Variants in KAZN observed in about 807,000 individuals in gnomAD.
KAZN encodes kazrin, periplakin interacting protein.
Under a neutral mutation model 87.4 loss-of-function variants are expected in KAZN, and 40 were observed. The ratio of observed to expected loss-of-function variants is 0.46; its 90% CI spans 0.36 to 0.60. The LOEUF (loss-of-function observed/expected upper bound fraction) is 0.60. Among genes scored for constraint, KAZN ranks in the 20% least tolerant of loss-of-function variants. The probability of loss-of-function intolerance (pLI) is 0.00; values close to 1 mark genes in which losing one functional copy is unlikely to be tolerated. For synonymous variants in KAZN, 466 were observed against 458.3 expected (o/e 1.02, Z -0.22); for missense variants, 898 against 1,073.9 (o/e 0.84, Z 2.29).
chr1:14,428,918 A>G (rs992740315), intron 2 of KAZN, among the ~76,000 whole-genome samples: 2 of 151,978 alleles, frequency 1.3e-5, no homozygotes, highest in Non-Finnish European at 2.9e-5. Context: ...ATATATATAT[A>G]TAGGCTTTTC....
At chr1:13,914,234 A>G (rs1033731679) in intron 1 of KAZN, among the ~76,000 whole-genome samples, 1 of 152,132 alleles carries the variant, frequency 6.6e-6, no homozygotes, top group Non-Finnish European at 1.5e-5. Context: ...TAGAAATCTC[A>G]CTATTGCCCT....
chr1:14,906,060 G>A (rs923034845), intron 1 of KAZN, among the ~76,000 whole-genome samples: 5 of 151,430 alleles, frequency 3.3e-5, no homozygotes, highest in African/African-American at 9.7e-5. Context: ...CCAGCTACTC[G>A]GGAAGCTGAG....
chr1:14,561,410 T>C (rs1205973259), intron 2 of KAZN, among the ~76,000 whole-genome samples: 1 of 152,136 alleles, frequency 6.6e-6, no homozygotes, highest in Admixed American at 6.5e-5. Flanking sequence ...AAGAAAATGA[T>C]GATTGAAAGG....
chr1:14,557,046 G>A (rs1207373024), intron 2 of KAZN, among the ~76,000 whole-genome samples: 1 of 152,080 alleles, frequency 6.6e-6, no homozygotes, highest in Non-Finnish European at 1.5e-5. Flanking sequence ...AATCCACACA[G>A]CAAAATAAAG....
chr1:13,980,779 C>G (rs1638624590), intron 1 of KAZN, among the ~76,000 whole-genome samples: 1 of 152,108 alleles, frequency 6.6e-6, no homozygotes, highest in Non-Finnish European at 1.5e-5. Flanking sequence ...GAGCTTGGCT[C>G]ACCTTGAAGC....
intron 2 of KAZN, among the ~76,000 whole-genome samples, chr1:14,349,997 A>G (rs1658411568): frequency 1.3e-5 from 2 of 152,004 alleles, no homozygotes; most frequent in South Asian, 4.2e-4. Flanking sequence ...TTAGCCAGGT[A>G]TGGTGGCAGG....
intron 1 of KAZN, among the ~76,000 whole-genome samples, chr1:14,134,973 A>G (rs1483611373): frequency 1.2e-4 from 7 of 58,216 alleles, no homozygotes; most frequent in Admixed American, 2.0e-4. Context: ...GCACCCGCAC[A>G]CACACACACA....
rs1289460974 is a variant in KAZN at position 14,109,813 on chromosome 1, C to CTTTTTTTTTTTGAGATGGAGTCTCGCTCT, written c.92-70622_92-70621insTTTTTTTTTTTGAGATGGAGTCTCGCTCT. Among the ~76,000 whole-genome samples, 229 of 125,284 alleles carry CTTTTTTTTTTTGAGATGGAGTCTCGCTCT rather than the reference C, an allele frequency of 1.8e-3. 6 individuals carry two copies. The highest frequency in any genetic ancestry group is 3.1e-3 in the East Asian group (11 of 3,524). 82.2% of individuals were successfully genotyped at this position (125,284 alleles called of 152,430 possible). A position where few individuals can be genotyped will look rare whatever the true frequency, so the allele number is the denominator to read the frequency against. ...CTGAAAATGCCATTCCTTATCAAAA[C>CTTTTTTTTTTTGAGATGGAGTCTCGCTCT]GATTTCAGCGTCAAGTAGGAGCTGT... On this transcript the variant is annotated intron_variant, in intron 1 of 16. Coordinates refer to the KAZN transcript ENST00000636203.
intron 2 of KAZN, among the ~76,000 whole-genome samples, chr1:14,997,297 A>G (rs1185119708): frequency 2.0e-5 from 3 of 150,580 alleles, no homozygotes; most frequent in East Asian, 1.9e-4. Context: ...CTGGAGTGCA[A>G]TGGCGCGATC....
At chr1:14,983,081 AG>A (rs1040661375) in intron 2 of KAZN, among the ~76,000 whole-genome samples, 74 of 152,340 alleles carry the variant, frequency 4.9e-4, no homozygotes, top group African/African-American at 1.7e-3. Context: ...TGAAGGCAGC[AG>A]GGGGGCTTTT....
intron 1 of KAZN, among the ~76,000 whole-genome samples, chr1:14,959,637 CCA>C (rs973628755): frequency 1.8e-4 from 28 of 152,306 alleles, no homozygotes; most frequent in Admixed American, 1.6e-3. Context: ...GTATGTCCTT[CCA>C]CGGTCTCCTA....
intron 2 of KAZN, among the ~76,000 whole-genome samples, chr1:14,973,835 C>G (rs1557675972): frequency 6.6e-6 from 1 of 152,170 alleles, no homozygotes; most frequent in Non-Finnish European, 1.5e-5. Flanking sequence ...AGATTACATT[C>G]TAGAAGGGTG....
intron 1 of KAZN, among the ~76,000 whole-genome samples, chr1:13,923,077 C>T (rs937292870): frequency 2.7e-5 from 4 of 150,122 alleles, no homozygotes; most frequent in South Asian, 2.1e-4. Flanking sequence ...GGATTACTGA[C>T]ATCTTCCTCC....
intron 1 of KAZN, among the ~76,000 whole-genome samples, chr1:14,780,790 G>A (rs1645311638): frequency 6.6e-6 from 1 of 152,218 alleles, no homozygotes; most frequent in South Asian, 2.1e-4. Context: ...GACAATGACT[G>A]ATGATCACCA....
chr1:14,932,055 G>A (rs1159691110), intron 1 of KAZN, among the ~76,000 whole-genome samples: 1 of 152,146 alleles, frequency 6.6e-6, no homozygotes, highest in African/African-American at 2.4e-5. Context: ...CCTGCTCCCG[G>A]CTCCAGGCTG....
intron 2 of KAZN, among the ~76,000 whole-genome samples, chr1:14,195,208 G>A (rs1646502440): frequency 6.6e-6 from 1 of 152,178 alleles, no homozygotes; most frequent in Middle Eastern, 3.4e-3. Flanking sequence ...TGATAAGGCT[G>A]TTCCTTCTTC....
intron 1 of KAZN, among the ~76,000 whole-genome samples, chr1:14,609,461 C>T (rs1377381338): frequency 6.6e-6 from 1 of 152,188 alleles, no homozygotes; most frequent in African/African-American, 2.4e-5. Context: ...CAAAAAGCAA[C>T]CTTGTTTAAA....
intron 1 of KAZN, among the ~76,000 whole-genome samples, chr1:14,030,786 C>T (rs902289013): frequency 9.9e-5 from 15 of 151,938 alleles, no homozygotes; most frequent in Middle Eastern, 3.2e-3. Flanking sequence ...AAGTTACTAA[C>T]GACTTAAGGA....
chr1:14,946,720 C>G (rs1354157080), intron 1 of KAZN, among the ~76,000 whole-genome samples: 1 of 152,196 alleles, frequency 6.6e-6, no homozygotes, highest in African/African-American at 2.4e-5. Context: ...TTATTTACAT[C>G]TGCAGGGACT....
Sources: gnomAD v4.1 joint callset for allele counts (sites outside exome capture counted in the v4.1 genomes callset) on GRCh38, gnomAD v4.1.1 for gene constraint, MANE v1.5 for transcripts, NCBI Gene and HGNC (gene_info 2026-07-23, HGNC 2026-07-21) for gene names.